The following TNS1 variants were observed in gnomAD, a reference collection of about 807,000 sequenced individuals.
TNS1 encodes the protein tensin-1.
Under a neutral mutation model 168.6 loss-of-function variants are expected in TNS1, and 62 were observed. That is an observed-to-expected ratio of 0.37 (90% confidence interval 0.30 to 0.45). The LOEUF is 0.45. Ranked by LOEUF, TNS1 falls within the 20% of genes least tolerant of loss-of-function variation. TNS1 has a pLI of 1.00. For missense variants in TNS1, 2,240 were observed against 2,339.4 expected (o/e 0.96, Z 0.88); for synonymous variants, 934 against 933.2 (o/e 1.00, Z -0.02).
intron 18 of TNS1, among the ~76,000 whole-genome samples, chr2:217,875,527 G>T (rs1950136878): frequency 6.6e-6 from 1 of 152,186 alleles, no homozygotes; most frequent in Non-Finnish European, 1.5e-5. Context: ...GAGACACCCA[G>T]AACCCAAATC....
rs1946827569 is a variant in TNS1 at position 217,847,555 on chromosome 2, CCTCTGGAGTCCGGGA to C, written c.2947_2961del (p.Ser983_Glu987del). 1 of 1,487,012 alleles carries C rather than the reference CCTCTGGAGTCCGGGA, an allele frequency of 6.7e-7. No homozygotes were observed. Among genetic ancestry groups the C allele is most frequent in the African/African-American group, 1.4e-5 (1 of 71,660 alleles). The allele number at this position is 1,487,012 out of a possible 1,614,324, so 92.1% of individuals were successfully genotyped here. ...AGCCCTTCTAAATTCAATGGCTCCT[CCTCTGGAGTCCGGGA>C]GGGGTCTGAAGTCGCTTCCTTTGGT... On this transcript the variant is annotated inframe_deletion, in exon 19 of 33. Coordinates refer to ENST00000682258, the MANE Select transcript of TNS1 (RefSeq NM_001387777.1).
rs547020124 is a variant in TNS1, at chr2:217,892,489, G to C, written c.782+459C>G. On this transcript the variant is annotated intron_variant, in intron 11 of 32. Transcript: ENST00000682258. ...GGATTGGAAAGGGAGTCAGTGACTG[G>C]ATGTTCTTTATTCTTGTTCCAAACA... Among the ~76,000 whole-genome samples, 14 of 152,334 alleles carry C rather than the reference G, an allele frequency of 9.2e-5. No individual in the cohort carries two copies. The South Asian group carries it at 1.2e-3, about 14-fold the overall frequency.
chr2:217,961,815 A>G (rs966875832), intron 3 of TNS1, among the ~76,000 whole-genome samples: 2 of 152,196 alleles, frequency 1.3e-5, no homozygotes, highest in Non-Finnish European at 2.9e-5. Context: ...AGGCTATAGT[A>G]CCCAGTGATT....
intron 1 of TNS1, among the ~76,000 whole-genome samples, chr2:218,031,443 G>A (rs973421882): frequency 6.6e-6 from 1 of 150,912 alleles, no homozygotes; most frequent in Non-Finnish European, 1.5e-5. Flanking sequence ...GTGTGCATGT[G>A]TGTATGAGCA....
At chr2:217,806,965 T>G (rs920702378) in intron 32 of TNS1, among the ~76,000 whole-genome samples, 3 of 152,238 alleles carry the variant, frequency 2.0e-5, no homozygotes, top group Admixed American at 6.5e-5. Context: ...AACCTGTCTT[T>G]GAAGACCCGT....
intron 1 of TNS1, among the ~76,000 whole-genome samples, chr2:218,031,335 G>A (rs1958896701): frequency 6.8e-6 from 1 of 147,586 alleles, no homozygotes; most frequent in Non-Finnish European, 1.5e-5. Flanking sequence ...GAGCATGTCT[G>A]TGTGTGAGTG....
intron 32 of TNS1, 76 bp downstream of exon 32, chr2:217,807,999 T>C (rs1939510100): frequency 1.1e-5 from 17 of 1,569,112 alleles, no homozygotes; most frequent in Non-Finnish European, 1.5e-5. Context: ...CCCTGGTTTC[T>C]AAATGTGCCC....
At chr2:218,031,311 G>A (rs1483166243) in intron 1 of TNS1, among the ~76,000 whole-genome samples, 2 of 143,524 alleles carry the variant, frequency 1.4e-5, no homozygotes, top group Non-Finnish European at 3.0e-5. Flanking sequence ...CTTTGTGTAT[G>A]AGTGTGGGTG....
chr2:217,807,755 A>G (rs1270852957), intron 32 of TNS1, among the ~76,000 whole-genome samples: 1 of 152,248 alleles, frequency 6.6e-6, no homozygotes, highest in Admixed American at 6.5e-5. Context: ...GGCAGAAAAG[A>G]TCATGTAAGC....
chr2:217,903,495 T>G, intron 6 of TNS1: 4 of 1,406,960 alleles, frequency 2.8e-6, no homozygotes, highest in Non-Finnish European at 3.8e-6. Context: ...CAAATCACCT[T>G]ACCCAAATGG....
intron 2 of TNS1, among the ~76,000 whole-genome samples, chr2:217,980,929 TCTC>T (rs1958032921): frequency 6.6e-6 from 1 of 152,160 alleles, no homozygotes; most frequent in Admixed American, 6.5e-5. Flanking sequence ...CCCAAAGTCA[TCTC>T]CTCAAAGAGG....
At chr2:217,900,573 C>T in intron 6 of TNS1, 61 bp from the exon 7 acceptor site, 1 of 1,478,274 alleles carries the variant, frequency 6.8e-7, no homozygotes, top group Admixed American at 2.0e-5. Context: ...AGGAGGAGCA[C>T]ACCAGAGAGC....
At chr2:217,970,206 C>A (rs1466762217) in intron 3 of TNS1, among the ~76,000 whole-genome samples, 1 of 152,192 alleles carries the variant, frequency 6.6e-6, no homozygotes, top group African/African-American at 2.4e-5. Flanking sequence ...CTGCCAACAC[C>A]TTGATTTTTG....
rs1421735758 is a variant in TNS1 at position 217,849,035 on chromosome 2, C to A, written c.1482G>T (p.Val494=). The change falls in exon 19 of 33, where the codon GTG becomes GTT. Residue 494 remains valine, a synonymous_variant. Transcript: ENST00000682258. ...GPLDGSLYAK[V]KKKDSLHGST... is the part of the protein sequence containing the mutation. ...TGCCGTGCAGGGAGTCTTTCTTCTT[C>A]ACCTTAGCATACAGGCTCCCATCTA... 1 of 1,613,874 alleles carries A rather than the reference C, an allele frequency of 6.2e-7. No homozygotes were observed. Among genetic ancestry groups the A allele is most frequent in the Non-Finnish European group, 8.5e-7 (1 of 1,180,004 alleles).
exon 1 of TNS1, chr2:218,010,389 C>T (rs777835232): frequency 8.2e-5 from 32 of 390,336 alleles, no homozygotes; most frequent in Non-Finnish European, 1.2e-4. Context: ...AGGAGCGGCG[C>T]GGGAGGCCCG....
At position 217,899,423 on chromosome 2, in the gene TNS1, C is replaced by A. The variant is rs140155091; in HGVS notation, c.371+1040G>T. ...GTGGTGACCAGTCTGGGACAAGAAG[C>A]CACACGCACACATACCTGCAAGCAA... On this transcript the variant is annotated intron_variant, in intron 7 of 32. Coordinates refer to ENST00000682258, the MANE Select transcript of TNS1 (RefSeq NM_001387777.1). Among the ~76,000 whole-genome samples the A allele has an allele frequency of 7.0e-4, 107 of 152,296 alleles. 1 individual carries two copies. In the East Asian group the frequency reaches 0.015, roughly 21 times the overall value.
Position 217,804,259 on chromosome 2 carries a change from T to G in TNS1, c.*200A>C. On this transcript the variant is annotated 3_prime_UTR_variant, in exon 33 of 33. Coordinates refer to ENST00000682258, the MANE Select transcript of TNS1 (RefSeq NM_001387777.1). Reference sequence around the variant, plus strand: ...TCCAAGTTCTTCTCCTCCATCTTTCTCTCTCTCTCTCTCTCTCTCTCTCTC... The same window carrying G: ...TCCAAGTTCTTCTCCTCCATCTTTCGCTCTCTCTCTCTCTCTCTCTCTCTC... 1 of 386,146 alleles carries G rather than the reference T, an allele frequency of 2.6e-6. No homozygotes were observed. Among genetic ancestry groups the G allele is most frequent in the Non-Finnish European group, 4.2e-6 (1 of 236,826 alleles). The allele number at this position is 386,146 out of a possible 1,614,324, so 23.9% of individuals were successfully genotyped here. A position where few individuals can be genotyped will look rare whatever the true frequency, so the allele number is the denominator to read the frequency against.
At chr2:217,985,816 C>G (rs1270848524) in intron 2 of TNS1, among the ~76,000 whole-genome samples, 1 of 152,132 alleles carries the variant, frequency 6.6e-6, no homozygotes, top group Non-Finnish European at 1.5e-5. Flanking sequence ...GGATTTGAAT[C>G]AGAACATCTA....
intron 4 of TNS1, among the ~76,000 whole-genome samples, chr2:217,911,105 C>T (rs1000069290): frequency 1.3e-5 from 2 of 152,204 alleles, no homozygotes; most frequent in Non-Finnish European, 2.9e-5. Flanking sequence ...ATGTCTGTCT[C>T]CACCCACTGC....
Sources: allele counts gnomAD v4.1 joint callset (sites outside exome capture counted in the v4.1 genomes callset), GRCh38; gene constraint gnomAD v4.1.1; transcripts MANE v1.5; gene names NCBI Gene and HGNC (gene_info 2026-07-23, HGNC 2026-07-21).